GATA3: variants seen among roughly 807,000 people sequenced by gnomAD.
GATA3 encodes GATA binding protein 3, also known as trans-acting T-cell-specific transcription factor GATA-3.
Under a neutral mutation model 36.0 loss-of-function variants are expected in GATA3, and 6 were observed. The observed-to-expected ratio is 0.17, with a 90% CI of 0.09 to 0.33. The LOEUF is 0.33. Ranked by LOEUF, GATA3 falls within the 10% of genes least tolerant of loss-of-function variation. The pLI is 1.00. For synonymous variants in GATA3, 326 were observed against 273.0 expected, an observed-to-expected ratio of 1.19 and a Z score of -1.92; for missense variants, 514 against 610.1, an observed-to-expected ratio of 0.84 and a Z score of 1.66.
At chr10:8,052,522 A>G (rs1400041007), upstream of GATA3, 3 of 152,252 alleles carry the variant, frequency 2.0e-5, no homozygotes, top group Non-Finnish European at 2.9e-5. Flanking sequence ...CTCCGCGCGC[A>G]GAACCCATGG....
upstream of GATA3, among the ~76,000 whole-genome samples, chr10:8,051,939 C>T (rs927300656): frequency 6.6e-6 from 1 of 152,182 alleles, no homozygotes; most frequent in Non-Finnish European, 1.5e-5. Context: ...CGAGGCCGAC[C>T]TCGGCCCTCC....
intron 3 of GATA3, 67 bp downstream of exon 3, chr10:8,058,908 C>A: frequency 1.4e-6 from 2 of 1,480,976 alleles, no homozygotes; most frequent in Non-Finnish European, 1.9e-6. Context: ...TCCAGGGCCG[C>A]ACCCAGAGGG....
chr10:8,057,594 GC>G (rs1288843578), intron 2 of GATA3, among the ~76,000 whole-genome samples: 1 of 152,146 alleles, frequency 6.6e-6, no homozygotes, highest in East Asian at 1.9e-4. Flanking sequence ...CCAGGGTCCA[GC>G]CTTGGGAACT....
intron 4 of GATA3, among the ~76,000 whole-genome samples, chr10:8,067,311 C>G (rs520236): frequency 0.28 from 42,061 of 151,918 alleles, 6,451 homozygotes; most frequent in African/African-American, 0.41. Flanking sequence ...GTTTCCAGTT[C>G]CTTAGAACAC....
chr10:8,065,925 A>G (rs1832832521), intron 4 of GATA3, among the ~76,000 whole-genome samples: 2 of 148,400 alleles, frequency 1.3e-5, no homozygotes, highest in Admixed American at 6.7e-5. Flanking sequence ...TCACACCACA[A>G]AAGAATGTTT....
In GATA3 at chr10:8,073,912, GC is replaced by G; in HGVS notation, c.1227del (p.Phe410SerfsTer8). ...RHMSSLSHIS[P>X]FSHSSHMLTT... ...ACATGTCCTCCCTGAGCCACATCTC[GC>G]CCTTCAGCCACTCCAGCCACATGCT... is the stretch of plus-strand genomic sequence containing the variant. On this transcript the variant is annotated frameshift_variant, in exon 6 of 6. Coordinates refer to ENST00000379328, the MANE Select transcript of GATA3 (RefSeq NM_001002295.2). LOFTEE classifies it high-confidence loss of function. The G allele has an allele frequency of 6.2e-7, 1 of 1,613,938 alleles. No individual in the cohort carries two copies. Among genetic ancestry groups the G allele is most frequent in the Non-Finnish European group, 8.5e-7 (1 of 1,179,980 alleles).
rs957809458 is a variant in GATA3, at chr10:8,055,738, A to G, written c.83A>G (p.His28Arg). ...VLNGQHPDTHHPGLSHSYMDA... is the reference protein window; with the variant it reads ...VLNGQHPDTHRPGLSHSYMDA... The stretch of plus-strand genomic sequence containing the variant: ...AACGGGCAGCACCCGGACACGCACC[A>G]CCCGGGCCTCAGCCACTCCTACATG... The change falls in exon 2 of 6, where the codon CAC (histidine) becomes CGC (arginine). Residue 28 changes from histidine to arginine, a missense_variant. Coordinates refer to ENST00000379328, the MANE Select transcript of GATA3 (RefSeq NM_001002295.2). The surrounding 1 kb of genome is among the most constrained non-coding windows in gnomAD (Gnocchi z 5.4). 1 of 1,573,938 alleles carries G rather than the reference A, an allele frequency of 6.4e-7. No homozygotes were observed. The highest frequency in any genetic ancestry group is 1.4e-5 in the African/African-American group (1 of 73,988).
chr10:8,069,100 G>T (rs987216095), intron 4 of GATA3, among the ~76,000 whole-genome samples: 2 of 152,202 alleles, frequency 1.3e-5, no homozygotes, highest in Non-Finnish European at 2.9e-5. Context: ...TGAAAGCCCA[G>T]TTCCAAAATG....
At chr10:8,053,160 CATGAAAGGAAT>C (rs1832543513), upstream of GATA3, 1 of 152,220 alleles carries the variant, frequency 6.6e-6, no homozygotes, top group Non-Finnish European at 1.5e-5. This position sits in a 1 kb window ranked among gnomAD's most constrained non-coding sequence, Gnocchi z 5.1. Flanking sequence ...TCCTTCACCG[CATGAAAGGAAT>C]CCTTCAGAAC....
At chr10:8,061,798 A>G (rs1832753091) in intron 3 of GATA3, among the ~76,000 whole-genome samples, 1 of 152,222 alleles carries the variant, frequency 6.6e-6, no homozygotes, top group Non-Finnish European at 1.5e-5. Flanking sequence ...TGATCATGTC[A>G]GGCTGGGAGG....
In GATA3 at chr10:8,071,409, G is replaced by A. The variant is rs574214789; in HGVS notation, c.1050+1811G>A. On this transcript the variant is annotated intron_variant, in intron 5 of 5. Coordinates refer to ENST00000379328, the MANE Select transcript of GATA3 (RefSeq NM_001002295.2). ...TCATCCCTATATTCGTGGAAGTATA[G>A]GAATTATAGGAGATTAACTAGCTAT... Among the ~76,000 whole-genome samples, 5 of 152,268 alleles carry A rather than the reference G, an allele frequency of 3.3e-5. No individual in the cohort carries two copies. In the East Asian group the frequency reaches 9.6e-4, roughly 29 times the overall value.
chr10:8,070,582 G>T (rs1423662799), intron 5 of GATA3, among the ~76,000 whole-genome samples: 1 of 152,186 alleles, frequency 6.6e-6, no homozygotes, highest in Non-Finnish European at 1.5e-5. Flanking sequence ...GGGCTGAACA[G>T]GGAGGAGACA....
chr10:8,073,723 ATT>A lies in GATA3; in HGVS notation c.1051-15_1051-14del. ...AAAAAAGTAAAAAAAAAAAAAAAAAATTGATCTTTGTTTAGATTAACAGACCC... is the reference window on the plus strand; with the variant it reads ...AAAAAAGTAAAAAAAAAAAAAAAAAAGATCTTTGTTTAGATTAACAGACCC... On this transcript the variant is annotated splice_polypyrimidine_tract_variant and intron_variant, in intron 5 of 5. Transcript: ENST00000379328. The A allele has an allele frequency of 6.3e-7, 1 of 1,593,478 alleles. No homozygotes were observed. Among genetic ancestry groups the A allele is most frequent in the Non-Finnish European group, 8.5e-7 (1 of 1,172,088 alleles).
At chr10:8,064,922 A>G (rs149380886) in intron 4 of GATA3, among the ~76,000 whole-genome samples, 1 of 68,974 alleles carries the variant, frequency 1.4e-5, no homozygotes, top group African/African-American at 4.8e-5. Context: ...TGGCTCTGTC[A>G]AGCATTTATA....
chr10:8,053,167 G>T (rs1403275716), upstream of GATA3: 4 of 152,170 alleles, frequency 2.6e-5, no homozygotes, highest in Non-Finnish European at 4.4e-5. This position sits in a 1 kb window ranked among gnomAD's most constrained non-coding sequence, Gnocchi z 5.1. Flanking sequence ...CCGCATGAAA[G>T]GAATCCTTCA....
chr10:8,051,192 GGT>G, upstream of GATA3: 3 of 463,504 alleles, frequency 6.5e-6, no homozygotes, highest in South Asian at 1.6e-5. Context: ...TGTGTTTGGG[GGT>G]GTGTGTGGTA....
chr10:8,073,399 C>T (rs10905284), intron 5 of GATA3, among the ~76,000 whole-genome samples: 126 of 151,984 alleles, frequency 8.3e-4, no homozygotes, highest in African/African-American at 2.8e-3. Flanking sequence ...GTCAAAGTAG[C>T]CAAAATGGCA....
chr10:8,052,904 G>GC (rs112016392), upstream of GATA3: 2 of 149,986 alleles, frequency 1.3e-5, no homozygotes, highest in African/African-American at 5.0e-5. Flanking sequence ...TGGCGGGGGG[G>GC]GGGGGAGCTT....
In GATA3 at chr10:8,055,106, G is replaced by A. The variant is rs1832601283; in HGVS notation, c.-369-181G>A. On this transcript the variant is annotated intron_variant, in intron 1 of 5. Transcript: ENST00000379328. This position sits in a 1 kb window ranked among gnomAD's most constrained non-coding sequence, Gnocchi z 5.4. Reference sequence around the variant, plus strand: ...ACTTGCCCTCCAAGTTGCTCAGCCAGCCCCGGCTCCCGCGAGCCGGGCTGC... The same window carrying A: ...ACTTGCCCTCCAAGTTGCTCAGCCAACCCCGGCTCCCGCGAGCCGGGCTGC... 6.6e-6 allele frequency among the ~76,000 whole-genome samples: 1 copy of A among 151,992 alleles called. No individual in the cohort carries two copies. Among genetic ancestry groups the A allele is most frequent in the African/African-American group, 2.4e-5 (1 of 41,404 alleles).
Sources: gnomAD v4.1 joint callset for allele counts (sites outside exome capture counted in the v4.1 genomes callset) on GRCh38, gnomAD v4.1.1 for gene constraint, Gnocchi (gnomAD v3.1) non-coding constraint, MANE v1.5 for transcripts, NCBI Gene and HGNC (gene_info 2026-07-23, HGNC 2026-07-21) for gene names.